Variants in CCDC91 observed in about 807,000 individuals in gnomAD.
The protein encoded by CCDC91 is coiled-coil domain containing 91, also known as coiled-coil domain-containing protein 91.
A neutral mutation model predicts 63.2 loss-of-function variants in CCDC91; 48 were observed. The ratio of observed to expected loss-of-function variants is 0.76; its 90% CI spans 0.60 to 0.97. The LOEUF (loss-of-function observed/expected upper bound fraction) is 0.97. Among genes scored for constraint, CCDC91 ranks in the 50% least tolerant of loss-of-function variants. The pLI is 0.00. For missense variants in CCDC91, 500 were observed against 494.6 expected (o/e 1.01, Z -0.10); for synonymous variants, 167 against 165.8 (o/e 1.01, Z -0.06).
intron 7 of CCDC91, among the ~76,000 whole-genome samples, chr12:28,368,106 T>G (rs1194855102): frequency 6.6e-6 from 1 of 152,198 alleles, no homozygotes; most frequent in Admixed American, 6.5e-5. Flanking sequence ...TCTGGAGACC[T>G]TAATACACAC....
intron 11 of CCDC91, among the ~76,000 whole-genome samples, chr12:28,463,270 A>T (rs1241887193): frequency 6.6e-6 from 1 of 152,226 alleles, no homozygotes; most frequent in Non-Finnish European, 1.5e-5. Flanking sequence ...TGACAAATCG[A>T]AATGTTTTTT....
intron 8 of CCDC91, among the ~76,000 whole-genome samples, chr12:28,431,683 CTCT>C (rs1221504440): frequency 3.3e-5 from 5 of 151,854 alleles, no homozygotes; most frequent in Admixed American, 1.3e-4. Context: ...CCAAAGTGAC[CTCT>C]CTGCCATTGT....
intron 11 of CCDC91, among the ~76,000 whole-genome samples, chr12:28,466,102 T>C (rs1019282558): frequency 3.9e-5 from 6 of 152,150 alleles, no homozygotes; most frequent in African/African-American, 1.2e-4. Flanking sequence ...GAAGACAGGC[T>C]ATTTAATAGC....
At chr12:28,328,794 A>ATT (rs143982760) in intron 6 of CCDC91, among the ~76,000 whole-genome samples, 2 of 151,620 alleles carry the variant, frequency 1.3e-5, no homozygotes, top group African/African-American at 4.8e-5. Context: ...AACAGATGCG[A>ATT]TTTTTTTTTC....
chr12:28,387,131 C>CT, intron 7 of CCDC91, among the ~76,000 whole-genome samples: 1 of 152,182 alleles, frequency 6.6e-6, no homozygotes, highest in South Asian at 2.1e-4. Flanking sequence ...AATAGAGCAA[C>CT]TTATAAAGGC....
intron 3 of CCDC91, among the ~76,000 whole-genome samples, chr12:28,287,109 T>C (rs1170953573): frequency 6.6e-6 from 1 of 152,132 alleles, no homozygotes. Context: ...GGATATCAGA[T>C]CTTTGTCAGA....
chr12:28,374,707 TTGAACATTC>T (rs944580669), intron 7 of CCDC91, among the ~76,000 whole-genome samples: 14 of 152,088 alleles, frequency 9.2e-5, no homozygotes, highest in African/African-American at 3.4e-4. Context: ...TCACAAATAA[TTGAACATTC>T]TGATTCACCT....
intron 6 of CCDC91, among the ~76,000 whole-genome samples, chr12:28,326,557 C>A (rs1361242470): frequency 8.2e-6 from 1 of 122,500 alleles, no homozygotes; most frequent in African/African-American, 3.3e-5. Context: ...CCCCTCCCCC[C>A]ACCCCACAAC....
At chr12:28,229,805 G>A (rs552243258) in intron 1 of CCDC91, among the ~76,000 whole-genome samples, 2 of 152,136 alleles carry the variant, frequency 1.3e-5, no homozygotes, top group African/African-American at 2.4e-5. Flanking sequence ...TTTAGCTCAC[G>A]TTGGACTAAT....
chr12:28,231,431 G>A (rs895681057), intron 1 of CCDC91, among the ~76,000 whole-genome samples: 18 of 152,174 alleles, frequency 1.2e-4, no homozygotes, highest in Admixed American at 6.5e-5. Context: ...AAATATCTTT[G>A]TACATCCTTA....
At chr12:28,319,521 CCTCT>C (rs1940261770) in intron 6 of CCDC91, 1 of 169,584 alleles carries the variant, frequency 5.9e-6, no homozygotes, top group South Asian at 1.9e-4. Context: ...GGCTCCAGGA[CCTCT>C]CTTAGATACC....
At chr12:28,191,166 G>T (rs1237502162) in intron 1 of CCDC91, 1 of 152,250 alleles carries the variant, frequency 6.6e-6, no homozygotes, top group Non-Finnish European at 1.5e-5. Flanking sequence ...TTGCCAAGTG[G>T]TGAGGTATCC....
chr12:28,431,428 G>A (rs1948619435), intron 8 of CCDC91, among the ~76,000 whole-genome samples: 1 of 152,018 alleles, frequency 6.6e-6, no homozygotes, highest in Admixed American at 6.6e-5. Flanking sequence ...AAACAAAACT[G>A]TTCTGTCTTC....
At chr12:28,417,923 C>T (rs571645646) in intron 8 of CCDC91, among the ~76,000 whole-genome samples, 4 of 151,878 alleles carry the variant, frequency 2.6e-5, no homozygotes, top group Non-Finnish European at 5.9e-5. Context: ...CTGAGTGGTC[C>T]TACATTGAGT....
chr12:28,271,825 A>G (rs1411762283), intron 3 of CCDC91, among the ~76,000 whole-genome samples: 2 of 150,728 alleles, frequency 1.3e-5, no homozygotes, highest in Admixed American at 6.6e-5. Flanking sequence ...GCTATTGTGT[A>G]GCATTTTAAA....
chr12:28,393,673 GT>G (rs1225808586), intron 8 of CCDC91, among the ~76,000 whole-genome samples: 55 of 152,324 alleles, frequency 3.6e-4, no homozygotes, highest in African/African-American at 1.3e-3. Context: ...GCCAAATGTA[GT>G]TGGTATTTGT....
intron 12 of CCDC91, among the ~76,000 whole-genome samples, chr12:28,515,555 G>C (rs1939850758): frequency 6.6e-6 from 1 of 151,804 alleles, no homozygotes; most frequent in Admixed American, 6.6e-5. Context: ...CTTAAGAAAA[G>C]AAAACATTCT....
At chr12:28,314,848 C>T (rs1050414645) in intron 6 of CCDC91, among the ~76,000 whole-genome samples, 2 of 151,786 alleles carry the variant, frequency 1.3e-5, no homozygotes, top group African/African-American at 4.8e-5. Context: ...ATCCCATCCT[C>T]TTCATAGGCC....
At chr12:28,192,906 C>A (rs1941388005) in intron 1 of CCDC91, among the ~76,000 whole-genome samples, 1 of 152,146 alleles carries the variant, frequency 6.6e-6, no homozygotes, top group African/African-American at 2.4e-5. Flanking sequence ...AGTTTCCTCC[C>A]CTCACTCATA....
Sources: allele counts gnomAD v4.1 joint callset (sites outside exome capture counted in the v4.1 genomes callset), GRCh38; gene constraint gnomAD v4.1.1; transcripts MANE v1.5; gene names NCBI Gene and HGNC (gene_info 2026-07-23, HGNC 2026-07-21).